FRMD3: variants seen among roughly 807,000 people sequenced by gnomAD.
FRMD3 encodes the protein FERM domain containing 3, also known as FERM domain-containing protein 3.
In FRMD3, 33 loss-of-function variants were observed where a neutral mutation model predicts 70.2. The observed-to-expected ratio is 0.47, with a 90% CI of 0.36 to 0.63. The LOEUF is 0.63. Ranked by LOEUF, FRMD3 falls within the 20% of genes least tolerant of loss-of-function variation. The pLI is 0.00. For missense variants in FRMD3, 632 were observed against 711.4 expected (o/e 0.89, Z 1.27); for synonymous variants, 279 against 255.9 (o/e 1.09, Z -0.86).
At chr9:83,262,910 C>T (rs1043666069) in intron 13 of FRMD3, among the ~76,000 whole-genome samples, 1 of 152,124 alleles carries the variant, frequency 6.6e-6, no homozygotes, top group Non-Finnish European at 1.5e-5. Context: ...CTAAGCCAGT[C>T]GTGGTAATTC....
At chr9:83,485,212 TC>T (rs1828661741) in intron 1 of FRMD3, among the ~76,000 whole-genome samples, 1 of 152,190 alleles carries the variant, frequency 6.6e-6, no homozygotes, top group Admixed American at 6.5e-5. Flanking sequence ...TATGTAGAAT[TC>T]CGTGTACTTA....
chr9:83,326,370 C>A (rs1222433472), intron 6 of FRMD3, among the ~76,000 whole-genome samples: 2 of 152,134 alleles, frequency 1.3e-5, no homozygotes. Context: ...ACCAAAGGCC[C>A]ATCTTTAAAA....
intron 1 of FRMD3, among the ~76,000 whole-genome samples, chr9:83,449,114 A>G (rs918870003): frequency 1.3e-5 from 2 of 152,198 alleles, no homozygotes; most frequent in African/African-American, 4.8e-5. Flanking sequence ...CTCAGGGGCC[A>G]GGGATGATAT....
intron 1 of FRMD3, among the ~76,000 whole-genome samples, chr9:83,410,457 A>G (rs1826246483): frequency 6.6e-6 from 1 of 152,152 alleles, no homozygotes; most frequent in Admixed American, 6.5e-5. Context: ...AGTTGCACCC[A>G]TGTTGCCACA....
At chr9:83,522,197 A>G (rs4504713) in intron 1 of FRMD3, among the ~76,000 whole-genome samples, 8,138 of 152,354 alleles carry the variant, frequency 0.053, 309 homozygotes, top group East Asian at 0.2. Flanking sequence ...AATATCAGTA[A>G]TCCATTTCAA....
intron 1 of FRMD3, among the ~76,000 whole-genome samples, chr9:83,503,995 G>A (rs1296561061): frequency 1.3e-5 from 2 of 152,214 alleles, no homozygotes; most frequent in Non-Finnish European, 2.9e-5. Context: ...GCGGGAGTGG[G>A]GAGGTGGTAA....
chr9:83,508,969 A>T (rs1829270893), intron 1 of FRMD3, among the ~76,000 whole-genome samples: 1 of 151,846 alleles, frequency 6.6e-6, no homozygotes, highest in Non-Finnish European at 1.5e-5. Flanking sequence ...TGACCACCTC[A>T]TTTAAAACTG....
chr9:83,243,118 A>T, downstream of FRMD3: 1 of 1,392,988 alleles, frequency 7.2e-7, no homozygotes, highest in Non-Finnish European at 1.0e-6. Flanking sequence ...CACCGAACTT[A>T]CCCACCCAGT....
chr9:83,387,985 C>T (rs558250695), intron 2 of FRMD3, among the ~76,000 whole-genome samples: 3 of 152,248 alleles, frequency 2.0e-5, no homozygotes, highest in Non-Finnish European at 4.4e-5. Flanking sequence ...ACCACACACG[C>T]CCATCCCTGA....
intron 2 of FRMD3, among the ~76,000 whole-genome samples, chr9:83,377,304 A>G (rs1311538950): frequency 6.6e-6 from 1 of 152,260 alleles, no homozygotes; most frequent in African/African-American, 2.4e-5. Flanking sequence ...GTAAAATGAG[A>G]CTAATGGAAG....
intron 1 of FRMD3, among the ~76,000 whole-genome samples, chr9:83,485,268 T>C (rs1476908634): frequency 6.6e-6 from 1 of 152,228 alleles, no homozygotes; most frequent in African/African-American, 2.4e-5. Flanking sequence ...TAATTTGATG[T>C]GGAAAATCAG....
rs1829943551 is a variant in FRMD3, at chr9:83,538,191, G to A, written c.41C>T (p.Thr14Ile). ...GCTCCGAAAGTGGATCATTTTCATG[G>A]TCCTCCTGCCTCTCGGCACACAGTG... Reference protein sequence around the residue: ...SCHCVPRGRRTMKMIHFRSSS... With the variant: ...SCHCVPRGRRIMKMIHFRSSS... The change falls in exon 1 of 14, where the codon ACC (threonine) becomes ATC (isoleucine). Residue 14 changes from threonine to isoleucine, a missense_variant. This residue lies in a region of FRMD3 where 208 missense variants were observed against 247.7 expected (regional missense o/e 0.84). Transcript: ENST00000304195. This position sits in a 1 kb window ranked among gnomAD's most constrained non-coding sequence, Gnocchi z 4.7. 6.2e-7 allele frequency: 1 copy of A among 1,602,320 alleles called. No homozygotes were observed. The highest frequency in any genetic ancestry group is 1.3e-5 in the African/African-American group (1 of 74,736).
intron 1 of FRMD3, among the ~76,000 whole-genome samples, chr9:83,461,083 T>G (rs528089002): frequency 6.6e-6 from 1 of 152,310 alleles, no homozygotes; most frequent in African/African-American, 2.4e-5. Flanking sequence ...TCCTTATCCC[T>G]GCAACTCATG....
chr9:83,318,226 C>T (rs1835659135), intron 6 of FRMD3, among the ~76,000 whole-genome samples: 1 of 152,130 alleles, frequency 6.6e-6, no homozygotes, highest in Non-Finnish European at 1.5e-5. Context: ...AAATAGTGAA[C>T]ACTGTAACCC....
At chr9:83,323,422 T>A (rs1160818355) in intron 6 of FRMD3, among the ~76,000 whole-genome samples, 2 of 152,204 alleles carry the variant, frequency 1.3e-5, no homozygotes, top group African/African-American at 4.8e-5. Flanking sequence ...CAAATATTTG[T>A]CCCCTCCAAA....
intron 6 of FRMD3, among the ~76,000 whole-genome samples, chr9:83,323,849 C>T (rs1320841832): frequency 6.6e-6 from 1 of 152,166 alleles, no homozygotes; most frequent in African/African-American, 2.4e-5. Flanking sequence ...GAACTCTCAC[C>T]TATTGTTGGT....
upstream of FRMD3, among the ~76,000 whole-genome samples, chr9:83,538,731 C>G (rs1029731198): frequency 6.6e-6 from 1 of 152,182 alleles, no homozygotes; most frequent in Non-Finnish European, 1.5e-5. This position sits in a 1 kb window ranked among gnomAD's most constrained non-coding sequence, Gnocchi z 4.7. Context: ...CTCGGGCTCC[C>G]GGTTGTGCTC....
chr9:83,439,226 A>T (rs1827228572), intron 1 of FRMD3, among the ~76,000 whole-genome samples: 1 of 152,248 alleles, frequency 6.6e-6, no homozygotes, highest in African/African-American at 2.4e-5. Flanking sequence ...ATGTCCATAA[A>T]TGGATAGGGT....
intron 1 of FRMD3, among the ~76,000 whole-genome samples, chr9:83,468,542 T>G (rs1322099418): frequency 6.6e-6 from 1 of 152,168 alleles, no homozygotes; most frequent in African/African-American, 2.4e-5. Context: ...TTTCTTCTCT[T>G]TATTAACAAT....
Sources: gnomAD v4.1 joint callset for allele counts (sites outside exome capture counted in the v4.1 genomes callset) on GRCh38, gnomAD v4.1.1 for gene constraint, gnomAD v4.1.1 regional missense constraint, Gnocchi (gnomAD v3.1) non-coding constraint, MANE v1.5 for transcripts, NCBI Gene and HGNC (gene_info 2026-07-23, HGNC 2026-07-21) for gene names.